LRP1: variants seen among roughly 807,000 people sequenced by gnomAD.
LRP1 encodes prolow-density lipoprotein receptor-related protein 1.
A neutral mutation model predicts 541.5 loss-of-function variants in LRP1; 51 were observed. The ratio of observed to expected loss-of-function variants is 0.09; its 90% CI spans 0.08 to 0.12. LRP1 has a LOEUF of 0.12. Ranked by LOEUF, LRP1 falls within the 10% of genes least tolerant of loss-of-function variation. LRP1 has a pLI of 1.00. For missense variants in LRP1, 3,878 were observed against 6,376.2 expected (o/e 0.61, Z 13.34); for synonymous variants, 2,219 against 2,470.8 (o/e 0.90, Z 3.02).
rs2036567880 is a variant in LRP1, at chr12:57,197,708, A to G, written c.9282+44A>G. ...GGCGACCAACACTGGCCCGCCTCAG[A>G]TGACTGTTTTCAGATCGTCTCTCCT... On this transcript the variant is annotated intron_variant, in intron 58 of 88. Coordinates refer to ENST00000243077, the MANE Select transcript of LRP1 (RefSeq NM_002332.3). The surrounding 1 kb of genome is among the most constrained non-coding windows in gnomAD (Gnocchi z 4.5). 2.5e-6 allele frequency: 4 copies of G among 1,600,248 alleles called. No individual in the cohort carries two copies. The highest frequency in any genetic ancestry group is 1.7e-5 in the Admixed American group (1 of 57,228).
Position 57,149,128 on chromosome 12 carries a change from C to T in LRP1, c.841+3638C>T. ...GCTACCTCCCCACTGTGCTGGGCAC[C>T]CCTGGACCCTCTCAGCCTCCCACCC... is the stretch of plus-strand genomic sequence containing the variant. On this transcript the variant is annotated intron_variant, in intron 6 of 88. Coordinates refer to ENST00000243077, the MANE Select transcript of LRP1 (RefSeq NM_002332.3). 6.3e-6 allele frequency: 3 copies of T among 476,360 alleles called. No homozygotes were observed. In the South Asian group the frequency reaches 1.3e-4, roughly 20 times the overall value. 29.5% of individuals were successfully genotyped at this position (476,360 alleles called of 1,614,324 possible). A position where few individuals can be genotyped will look rare whatever the true frequency, so the allele number is the denominator to read the frequency against.
Position 57,173,158 on chromosome 12 carries a change from C to T in LRP1, c.3164-10C>T, listed in dbSNP as rs780207823. ...CCTCCCTCCTGAGGCCCTCCACTGT[C>T]CCTCTGCAGCCACGAGGCCCCCTGG... On this transcript the variant is annotated splice_polypyrimidine_tract_variant and intron_variant, in intron 20 of 88. Transcript: ENST00000243077. This position sits in a 1 kb window ranked among gnomAD's most constrained non-coding sequence, Gnocchi z 4.7. 10 of 1,596,140 alleles carry T rather than the reference C, an allele frequency of 6.3e-6. No homozygotes were observed. In the Admixed American group the frequency reaches 8.4e-5, roughly 13 times the overall value.
chr12:57,200,750 C>T lies in LRP1; in HGVS notation c.10160C>T (p.Thr3387Ile). The part of the protein sequence containing the change: ...GQFQCSTGIC[T>I]NPAFICDGDN... ...TTCCAGTGCTCCACAGGTATCTGCA[C>T]AAACCCTGCCTTCATCTGCGATGGC... The change falls in exon 64 of 89, where the codon ACA becomes ATA. Residue 3387 changes from threonine to isoleucine, a missense_variant. Around this residue, in one of 13 missense-constraint regions of LRP1, gnomAD observed 278 missense variants for 536.3 expected, o/e 0.52. Transcript: ENST00000243077. 3 of 1,614,070 alleles carry T rather than the reference C, an allele frequency of 1.9e-6. No homozygotes were observed. Among genetic ancestry groups the T allele is most frequent in the Non-Finnish European group, 2.5e-6 (3 of 1,180,046 alleles).
rs761240617 is a variant in LRP1, at chr12:57,183,507, G to T, written c.5791G>T (p.Ala1931Ser). ...GCTGGCTGTCGGCATCGACTTCCACGCTGGTGAGCCATTTGGTGGCAGAGG... is the reference window on the plus strand; with the variant it reads ...GCTGGCTGTCGGCATCGACTTCCACTCTGGTGAGCCATTTGGTGGCAGAGG... ...TSLAVGIDFH[A>S]ENDTIYWVDM... The change falls in exon 35 of 89, where the codon GCT becomes TCT. Residue 1931 changes from alanine (A) to serine (S), a missense_variant. Physicochemically the swap from Ala to Ser is moderately conservative, Grantham distance 99. Coordinates refer to ENST00000243077, the MANE Select transcript of LRP1 (RefSeq NM_002332.3). The surrounding 1 kb of genome is among the most constrained non-coding windows in gnomAD (Gnocchi z 6.1). 1 of 1,612,712 alleles carries T rather than the reference G, an allele frequency of 6.2e-7. No individual in the cohort carries two copies. Among genetic ancestry groups the T allele is most frequent in the East Asian group, 2.2e-5 (1 of 44,826 alleles).
Position 57,158,693 on chromosome 12 carries a change from C to T in LRP1, c.1798+55C>T. Reference sequence around the variant, plus strand: ...GGATGGAAGGGGGCTGGGGCCCAGGCATCTGTTTCTCGGTGCCCTCTCAGC... The same window carrying T: ...GGATGGAAGGGGGCTGGGGCCCAGGTATCTGTTTCTCGGTGCCCTCTCAGC... On this transcript the variant is annotated intron_variant, in intron 11 of 88. Coordinates refer to ENST00000243077, the MANE Select transcript of LRP1 (RefSeq NM_002332.3). The surrounding 1 kb of genome is among the most constrained non-coding windows in gnomAD (Gnocchi z 5.3). 2 of 1,525,578 alleles carry T rather than the reference C, an allele frequency of 1.3e-6. No homozygotes were observed. Among genetic ancestry groups the T allele is most frequent in the Non-Finnish European group, 1.8e-6 (2 of 1,103,890 alleles). 94.5% of individuals were successfully genotyped at this position (1,525,578 alleles called of 1,614,324 possible).
rs909091069 is a variant in LRP1 at position 57,204,945 on chromosome 12, G to A, written c.11195-164G>A. 2.3e-6 allele frequency: 3 copies of A among 1,315,242 alleles called. No individual in the cohort carries two copies. The highest frequency in any genetic ancestry group is 2.5e-5 in the Admixed American group (1 of 39,532). 81.5% of individuals were successfully genotyped at this position (1,315,242 alleles called of 1,614,324 possible). A position where few individuals can be genotyped will look rare whatever the true frequency, so the allele number is the denominator to read the frequency against. ...CTGGGGAAGGCTCTGGGGGCTGCCT[G>A]ATGCCTTAGGTCTTGGAGGTGGGGC... On this transcript the variant is annotated intron_variant, in intron 72 of 88. Coordinates refer to ENST00000243077, the MANE Select transcript of LRP1 (RefSeq NM_002332.3). This position sits in a 1 kb window ranked among gnomAD's most constrained non-coding sequence, Gnocchi z 5.3.
In LRP1 at chr12:57,206,530, C is replaced by T. The variant is rs2036782747; in HGVS notation, c.11648C>T (p.Pro3883Leu). The change falls in exon 76 of 89, where the codon CCC becomes CTC. Residue 3883 changes from proline to leucine, a missense_variant. This residue lies in a region of LRP1 where 871 missense variants were observed against 1,212.4 expected (regional missense o/e 0.72). Coordinates refer to ENST00000243077, the MANE Select transcript of LRP1 (RefSeq NM_002332.3). The surrounding 1 kb of genome is among the most constrained non-coding windows in gnomAD (Gnocchi z 4.7). Reference sequence around the variant, plus strand: ...GACAATGAGATCCGCAGCCTGTTCCCCGGCCACCCCCATTCGGCTTACGAG... The same window carrying T: ...GACAATGAGATCCGCAGCCTGTTCCTCGGCCACCCCCATTCGGCTTACGAG... ...ADDNEIRSLF[P>L]GHPHSAYEQA... The T allele has an allele frequency of 6.2e-7, 1 of 1,614,016 alleles. No individual in the cohort carries two copies. Among genetic ancestry groups the T allele is most frequent in the Admixed American group, 1.7e-5 (1 of 60,002 alleles).
intron 5 of LRP1, 26 bp from the exon 6 acceptor site, chr12:57,145,201 C>T (rs780076943): frequency 2.5e-5 from 41 of 1,613,684 alleles, no homozygotes; most frequent in East Asian, 1.3e-4. Flanking sequence ...CCTGGCTGCA[C>T]GGACTCTTCT....
intron 1 of LRP1, among the ~76,000 whole-genome samples, chr12:57,136,254 C>G (rs1228538728): frequency 1.3e-5 from 2 of 152,172 alleles, no homozygotes; most frequent in East Asian, 3.9e-4. Context: ...GAAGGGGGAG[C>G]CTGGCTAGGC....
chr12:57,135,973 C>T (rs903747116), intron 1 of LRP1, among the ~76,000 whole-genome samples: 2 of 152,200 alleles, frequency 1.3e-5, no homozygotes, highest in African/African-American at 4.8e-5. Flanking sequence ...AGGGCATGGA[C>T]CAAGTCCCAG....
chr12:57,207,283 T>G (rs1565755825), intron 76 of LRP1, among the ~76,000 whole-genome samples: 2 of 130,678 alleles, frequency 1.5e-5, no homozygotes, highest in Non-Finnish European at 3.2e-5. Flanking sequence ...AATAAATAAA[T>G]AGAGACTCGG....
rs906769722 is a variant in LRP1 at position 57,200,091 on chromosome 12, C to G, written c.10014+66C>G. The G allele has an allele frequency of 5.8e-6, 8 of 1,379,740 alleles. No individual in the cohort carries two copies. The East Asian group carries it at 1.9e-4, about 33-fold the overall frequency. The allele number at this position is 1,379,740 out of a possible 1,614,324, so 85.5% of individuals were successfully genotyped here. A position where few individuals can be genotyped will look rare whatever the true frequency, so the allele number is the denominator to read the frequency against. ...CCAACCCCCAAATCCTCCTTGGACC[C>G]CAACACCTGCTCTGTCCTAATGTCC... On this transcript the variant is annotated intron_variant, in intron 62 of 88. Coordinates refer to ENST00000243077, the MANE Select transcript of LRP1 (RefSeq NM_002332.3).
rs1680280236 is a variant in LRP1 at position 57,177,026 on chromosome 12, C to T, written c.3992-15C>T. The stretch of plus-strand genomic sequence containing the variant: ...CCCAGGAGACGCTAACCTTTCACTG[C>T]CCTCTCTTCTCCAGCCCTGACTAGT... On this transcript the variant is annotated splice_polypyrimidine_tract_variant and intron_variant, in intron 24 of 88. Transcript: ENST00000243077. This position sits in a 1 kb window ranked among gnomAD's most constrained non-coding sequence, Gnocchi z 6.8. 1 of 1,609,626 alleles carries T rather than the reference C, an allele frequency of 6.2e-7. No individual in the cohort carries two copies. Among genetic ancestry groups the T allele is most frequent in the Non-Finnish European group, 8.5e-7 (1 of 1,176,730 alleles).
intron 44 of LRP1, among the ~76,000 whole-genome samples, 164 bp downstream of exon 44, chr12:57,191,676 C>CA (rs2036383646): frequency 1.1e-5 from 1 of 86,964 alleles, no homozygotes; most frequent in African/African-American, 4.1e-5. Flanking sequence ...CATACACACA[C>CA]CACACCCCTC....
rs1233526228 is a variant in LRP1, at chr12:57,210,382, A to G, written c.12656A>G (p.Lys4219Arg). 6.2e-7 allele frequency: 1 copy of G among 1,606,724 alleles called. No homozygotes were observed. The highest frequency in any genetic ancestry group is 8.5e-7 in the Non-Finnish European group (1 of 1,175,632). Residue 4219 changes from lysine to arginine, a missense_variant, in exon 82 of 89, where the codon AAG becomes AGG. By Grantham distance (26) the Lys-to-Arg change is conservative. This residue lies in a region of LRP1 where 871 missense variants were observed against 1,212.4 expected (regional missense o/e 0.72). Transcript: ENST00000243077. ...SCFLNARRQP[K>R]CRCQPRYTGD... Reference sequence around the variant, plus strand: ...TTCCTCAATGCACGGAGGCAGCCCAAGTGCCGCTGCCAACCCCGCTACACG... The same window carrying G: ...TTCCTCAATGCACGGAGGCAGCCCAGGTGCCGCTGCCAACCCCGCTACACG...
chr12:57,179,563 C>T lies in LRP1; in HGVS notation c.4966+7C>T. 1 of 1,612,384 alleles carries T rather than the reference C, an allele frequency of 6.2e-7. No homozygotes were observed. ...GAGACAGTCGTCTCTGCAGGTTCTT[C>T]CTGGCCCTGGATGCCCACCAGTGGA... On this transcript the variant is annotated splice_region_variant and intron_variant, in intron 29 of 88. Coordinates refer to ENST00000243077, the MANE Select transcript of LRP1 (RefSeq NM_002332.3). This position sits in a 1 kb window ranked among gnomAD's most constrained non-coding sequence, Gnocchi z 6.8.
chr12:57,209,993 T>C, intron 80 of LRP1, 36 bp from the exon 81 acceptor site: 1 of 1,587,768 alleles, frequency 6.3e-7, no homozygotes, highest in South Asian at 1.1e-5. Context: ...AGAAGGGTCC[T>C]GCTCAGCATC....
chr12:57,151,584 T>TGGTGGAGCCAGAATGCTCA (rs2035526301), intron 6 of LRP1, among the ~76,000 whole-genome samples: 2 of 152,254 alleles, frequency 1.3e-5, no homozygotes, highest in South Asian at 4.1e-4. Context: ...CCCTCAGGGT[T>TGGTGGAGCCAGAATGCTCA]GGTGGAGCCA....
Position 57,211,504 on chromosome 12 carries a change from T to G in LRP1, c.13109T>G (p.Val4370Gly), listed in dbSNP as rs765107247. Reference protein sequence around the residue: ...DVTCNCTDGRVAPSCLTCVGH... With the variant: ...DVTCNCTDGRGAPSCLTCVGH... ...TCCTGCAGCTGCACGGATGGCCGGG[T>G]GGCCCCCAGCTGTCTGACCTGCGTC... The change falls in exon 85 of 89, where the codon GTG becomes GGG. Residue 4370 changes from valine (V) to glycine (G), a missense_variant. Physicochemically the swap from Val to Gly is moderately radical, Grantham distance 109 (BLOSUM62 -3). This residue lies in a region of LRP1 where 871 missense variants were observed against 1,212.4 expected (regional missense o/e 0.72). Coordinates refer to ENST00000243077, the MANE Select transcript of LRP1 (RefSeq NM_002332.3). The surrounding 1 kb of genome is among the most constrained non-coding windows in gnomAD (Gnocchi z 4.3). 6.2e-7 allele frequency: 1 copy of G among 1,613,816 alleles called. No homozygotes were observed. The highest frequency in any genetic ancestry group is 1.6e-4 in the Middle Eastern group (1 of 6,062).
Sources: gnomAD v4.1 joint callset for allele counts (sites outside exome capture counted in the v4.1 genomes callset) on GRCh38, gnomAD v4.1.1 for gene constraint, gnomAD v4.1.1 regional missense constraint, Gnocchi (gnomAD v3.1) non-coding constraint, MANE v1.5 for transcripts, NCBI Gene and HGNC (gene_info 2026-07-23, HGNC 2026-07-21) for gene names.